DAB1: variants seen among roughly 807,000 people sequenced by gnomAD.
DAB1 encodes DAB adaptor protein 1.
A neutral mutation model predicts 64.6 loss-of-function variants in DAB1; 15 were observed. The observed-to-expected ratio is 0.23, with a 90% CI of 0.16 to 0.36. DAB1 has a LOEUF of 0.36. Among genes scored for constraint, DAB1 ranks in the 10% least tolerant of loss-of-function variants. DAB1 has a pLI of 1.00. For missense variants in DAB1, 596 were observed against 706.7 expected (o/e 0.84, Z 1.78); for synonymous variants, 235 against 251.9 (o/e 0.93, Z 0.64).
intron 4 of DAB1, among the ~76,000 whole-genome samples, chr1:57,077,562 T>C (rs1924520): frequency 0.15 from 23,041 of 152,180 alleles, 1,970 homozygotes; most frequent in East Asian, 0.35. Context: ...CAGGATTCAT[T>C]CTGTGAACAG....
intron 5 of DAB1, among the ~76,000 whole-genome samples, chr1:58,122,264 A>T (rs1449226746): frequency 6.6e-6 from 1 of 152,178 alleles, no homozygotes; most frequent in Non-Finnish European, 1.5e-5. Flanking sequence ...TGTTAGACTG[A>T]CTGTGGACCC....
intron 1 of DAB1, among the ~76,000 whole-genome samples, chr1:57,840,659 GGCA>G (rs1653008902): frequency 1.3e-5 from 2 of 152,122 alleles, no homozygotes; most frequent in Non-Finnish European, 1.5e-5. Flanking sequence ...TTCTTAACAT[GGCA>G]GCAGGAGAGA....
At chr1:57,496,486 A>G (rs1372034381) in intron 7 of DAB1, among the ~76,000 whole-genome samples, 1 of 152,224 alleles carries the variant, frequency 6.6e-6, no homozygotes, top group Admixed American at 6.5e-5. Flanking sequence ...CAACAGGTTT[A>G]TAAAACACAC....
chr1:57,151,255 ATAAGGCTGTAATTAATTGAT>A (rs1351001294), intron 2 of DAB1, among the ~76,000 whole-genome samples: 32 of 152,200 alleles, frequency 2.1e-4, no homozygotes. Context: ...GTGGGGAAGT[ATAAGGCTGTAATTAATTGAT>A]TCATTCATTC....
chr1:57,791,709 A>G (rs1394514941), intron 6 of DAB1, among the ~76,000 whole-genome samples: 1 of 152,128 alleles, frequency 6.6e-6, no homozygotes, highest in Non-Finnish European at 1.5e-5. Context: ...ATCCAACAGC[A>G]AGACAGCTCA....
At chr1:57,286,435 G>C (rs1305240914) in intron 2 of DAB1, among the ~76,000 whole-genome samples, 2 of 152,066 alleles carry the variant, frequency 1.3e-5, no homozygotes, top group Non-Finnish European at 2.9e-5. Context: ...TAACAAAATA[G>C]GACATGAAAC....
rs112682631 is a variant in DAB1, at chr1:57,019,957, C to T, written c.895+3574G>A. ...TGAAATATAAGAAAAGCACTAAAAA[C>T]GAAGGAACTCCTCCAACATTTATAC... On this transcript the variant is annotated intron_variant, in intron 11 of 14. Transcript: ENST00000371236. Among the ~76,000 whole-genome samples the T allele has an allele frequency of 7.1e-3, 1,082 of 152,288 alleles. 5 individuals carry two copies. Among genetic ancestry groups the T allele is most frequent in the African/African-American group, 0.011 (470 of 41,546 alleles).
rs986022777 is a variant in DAB1, at chr1:57,274,999, T to C, written c.67+15965A>G. 4.6e-5 allele frequency among the ~76,000 whole-genome samples: 7 copies of C among 151,998 alleles called. No homozygotes were observed. In the South Asian group the frequency reaches 1.2e-3, roughly 27 times the overall value. On this transcript the variant is annotated intron_variant, in intron 2 of 14. Coordinates refer to ENST00000371236, the MANE Select transcript of DAB1 (RefSeq NM_001365792.1). ...GCATAAGGAGGAGGAAGAGAACTAA[T>C]ATGTAAGCAAGGTCTAGAATAGGTG...
At chr1:57,819,255 T>C (rs1286995988) in intron 6 of DAB1, among the ~76,000 whole-genome samples, 1 of 152,230 alleles carries the variant, frequency 6.6e-6, no homozygotes, top group Admixed American at 6.5e-5. Context: ...GCTTTGTTCG[T>C]GTTAATTATT....
chr1:57,906,933 T>G (rs1644559797), intron 5 of DAB1, among the ~76,000 whole-genome samples: 3 of 131,234 alleles, frequency 2.3e-5, no homozygotes, highest in Admixed American at 8.6e-5. Context: ...AAGAATATAA[T>G]ATGCAGATAG....
chr1:57,316,005 G>A (rs150892457), intron 1 of DAB1, among the ~76,000 whole-genome samples: 85 of 152,230 alleles, frequency 5.6e-4, no homozygotes, highest in African/African-American at 2.0e-3. Flanking sequence ...TTTAGGATAG[G>A]TGTATTACCA....
chr1:58,339,750 T>G (rs1280597169), intron 4 of DAB1, among the ~76,000 whole-genome samples: 1 of 152,224 alleles, frequency 6.6e-6, no homozygotes, highest in African/African-American at 2.4e-5. Flanking sequence ...ATGTCCCTAT[T>G]CTGGAAGACT....
intron 5 of DAB1, among the ~76,000 whole-genome samples, chr1:58,114,051 A>T (rs1395937162): frequency 6.6e-6 from 1 of 151,136 alleles, no homozygotes; most frequent in Non-Finnish European, 1.5e-5. Flanking sequence ...GTTCGAGACC[A>T]GCCTGGCCAA....
intron 4 of DAB1, among the ~76,000 whole-genome samples, chr1:57,118,931 A>G (rs569800063): frequency 5.3e-5 from 8 of 152,330 alleles, no homozygotes; most frequent in Middle Eastern, 6.8e-3. Flanking sequence ...GAACAGCAGT[A>G]TAGACAGGTA....
chr1:58,376,502 T>C lies in DAB1; in HGVS notation n.258-33099A>G, dbSNP rs1433253923. 1.4e-5 allele frequency among the ~76,000 whole-genome samples: 2 copies of C among 143,396 alleles called. 1 individual carries two copies. The highest frequency in any genetic ancestry group is 3.1e-5 in the Non-Finnish European group (2 of 64,638). The allele number at this position is 143,396 out of a possible 152,430, so 94.1% of individuals were successfully genotyped here. A position where few individuals can be genotyped will look rare whatever the true frequency, so the allele number is the denominator to read the frequency against. On this transcript the variant is annotated intron_variant and non_coding_transcript_variant, in intron 3 of 20. Transcript: ENST00000485760. The stretch of plus-strand genomic sequence containing the variant: ...AGTTGAGTGGCTCTGAGTGAGATTC[T>C]TAATCCTGAGTTCTAGTTTGATTGC...
At chr1:57,206,243 G>A (rs1665526410) in intron 2 of DAB1, among the ~76,000 whole-genome samples, 1 of 152,178 alleles carries the variant, frequency 6.6e-6, no homozygotes, top group Non-Finnish European at 1.5e-5. Context: ...AAAGGAGGGA[G>A]AGGGATAGGG....
intron 1 of DAB1, among the ~76,000 whole-genome samples, chr1:57,358,586 C>T (rs1679303126): frequency 6.6e-6 from 1 of 151,620 alleles, no homozygotes; most frequent in African/African-American, 2.4e-5. Context: ...TTCAATGTAA[C>T]CCTTACTGGA....
chr1:57,820,253 A>T (rs1439850174), intron 6 of DAB1, among the ~76,000 whole-genome samples: 2 of 152,204 alleles, frequency 1.3e-5, no homozygotes, highest in Admixed American at 1.3e-4. Flanking sequence ...TCCCAAAGTT[A>T]CGCATTTCAC....
chr1:57,786,989 A>C, intron 6 of DAB1, among the ~76,000 whole-genome samples: 1 of 152,190 alleles, frequency 6.6e-6, no homozygotes, highest in Admixed American at 6.5e-5. Context: ...GTTACCATTA[A>C]AAAAACCAGT....
Sources: gnomAD v4.1 joint callset for allele counts (sites outside exome capture counted in the v4.1 genomes callset) on GRCh38, gnomAD v4.1.1 for gene constraint, MANE v1.5 for transcripts, NCBI Gene and HGNC (gene_info 2026-07-23, HGNC 2026-07-21) for gene names.